The following DENND1A variants were observed in gnomAD, a reference collection of about 807,000 sequenced individuals.
The protein encoded by DENND1A is DENN domain-containing protein 1A.
DENND1A carries 51 observed loss-of-function variants against 113.7 expected under a neutral mutation model. The observed-to-expected ratio is 0.45, with a 90% confidence interval of 0.36 to 0.57. The LOEUF is 0.57. DENND1A is among the 20% of genes least tolerant of loss of function. The pLI is 0.00. For missense variants in DENND1A, 1,258 were observed against 1,395.9 expected, an observed-to-expected ratio of 0.90 and a Z score of 1.57; for synonymous variants, 565 against 570.8, an observed-to-expected ratio of 0.99 and a Z score of 0.14.
At chr9:123,521,670 G>T (rs775927746) in intron 13 of DENND1A, among the ~76,000 whole-genome samples, 1 of 152,174 alleles carries the variant, frequency 6.6e-6, no homozygotes, top group Non-Finnish European at 1.5e-5. Flanking sequence ...ACCAAAGGCT[G>T]GCCTCCTTCC....
At chr9:123,763,457 G>A (rs1285491788) in intron 4 of DENND1A, among the ~76,000 whole-genome samples, 1 of 152,142 alleles carries the variant, frequency 6.6e-6, no homozygotes, top group Non-Finnish European at 1.5e-5. Context: ...TTCCATTTGG[G>A]ATATGTTAAG....
intron 2 of DENND1A, among the ~76,000 whole-genome samples, chr9:123,802,651 C>T (rs896699811): frequency 6.6e-6 from 1 of 152,042 alleles, no homozygotes; most frequent in Non-Finnish European, 1.5e-5. Flanking sequence ...CTGTAGCACT[C>T]TTCCTTCTTC....
intron 13 of DENND1A, among the ~76,000 whole-genome samples, chr9:123,487,426 T>A (rs2050981184): frequency 6.6e-6 from 1 of 152,222 alleles, no homozygotes; most frequent in Non-Finnish European, 1.5e-5. Context: ...GTTTTCTCTC[T>A]TGTGTCTTTT....
intron 5 of DENND1A, among the ~76,000 whole-genome samples, chr9:123,717,454 A>T (rs1001150439): frequency 6.6e-6 from 1 of 152,238 alleles, no homozygotes; most frequent in Admixed American, 6.5e-5. Flanking sequence ...CAACTGTACA[A>T]GATTACACAG....
chr9:123,449,895 C>A (rs1328339287), intron 18 of DENND1A, among the ~76,000 whole-genome samples: 3 of 152,000 alleles, frequency 2.0e-5, no homozygotes, highest in Non-Finnish European at 2.9e-5. Flanking sequence ...GTTCAGTGTA[C>A]GCTGCTCAGG....
intron 13 of DENND1A, among the ~76,000 whole-genome samples, chr9:123,510,077 C>T (rs994690049): frequency 6.6e-6 from 1 of 152,220 alleles, no homozygotes; most frequent in Non-Finnish European, 1.5e-5. Flanking sequence ...GACTGCACTG[C>T]CCGCCATGGC....
chr9:123,472,955 C>T (rs2049568886), intron 13 of DENND1A, among the ~76,000 whole-genome samples: 1 of 152,210 alleles, frequency 6.6e-6, no homozygotes, highest in African/African-American at 2.4e-5. Flanking sequence ...GGGATGCTTC[C>T]TCCTTGCCCG....
chr9:123,558,792 C>T (rs574755918), intron 12 of DENND1A, among the ~76,000 whole-genome samples: 46 of 152,334 alleles, frequency 3.0e-4, no homozygotes, highest in Non-Finnish European at 5.3e-4. Context: ...TTTCACGCTG[C>T]GTTCCCCATA....
chr9:123,465,715 C>T (rs1314907708), intron 13 of DENND1A, among the ~76,000 whole-genome samples: 6 of 152,030 alleles, frequency 3.9e-5, no homozygotes, highest in Non-Finnish European at 4.4e-5. Flanking sequence ...ATAGAAGTGC[C>T]GAACTAAAAT....
intron 5 of DENND1A, among the ~76,000 whole-genome samples, chr9:123,752,216 A>C (rs1247530877): frequency 6.6e-6 from 1 of 152,112 alleles, no homozygotes. Flanking sequence ...TCAAATGGAG[A>C]TCTGGGGCTA....
chr9:123,591,279 A>C (rs1361029887), intron 11 of DENND1A, among the ~76,000 whole-genome samples: 1 of 152,206 alleles, frequency 6.6e-6, no homozygotes, highest in Non-Finnish European at 1.5e-5. Context: ...GGTGCGGGGG[A>C]GTGTCCTACC....
At chr9:123,766,761 GGAAGCACATTCTTTTGAAAA>G (rs1337896486) in intron 4 of DENND1A, among the ~76,000 whole-genome samples, 2 of 152,128 alleles carry the variant, frequency 1.3e-5, no homozygotes, top group Non-Finnish European at 2.9e-5. Context: ...TAATATATGA[GGAAGCACATTCTTTTGAAAA>G]GCTACTGGCT....
intron 13 of DENND1A, among the ~76,000 whole-genome samples, chr9:123,460,344 G>C (rs1007931903): frequency 1.3e-5 from 2 of 152,140 alleles, no homozygotes; most frequent in African/African-American, 4.8e-5. Flanking sequence ...CTTGGGACCA[G>C]AGCAGGGCAA....
At chr9:123,465,273 C>G (rs1171114930) in intron 13 of DENND1A, among the ~76,000 whole-genome samples, 1 of 147,976 alleles carries the variant, frequency 6.8e-6, no homozygotes, top group East Asian at 2.0e-4. Flanking sequence ...TACAGTGTGA[C>G]AGCTAGCACA....
chr9:123,387,984 G>C (rs1057168798), intron 21 of DENND1A, 126 bp from the exon 22 acceptor site: 169 of 1,005,278 alleles, frequency 1.7e-4, no homozygotes, highest in Non-Finnish European at 2.1e-4. Flanking sequence ...CCAGCCTGGG[G>C]TGGGGGCTCT....
intron 13 of DENND1A, among the ~76,000 whole-genome samples, chr9:123,496,450 G>T (rs2051923930): frequency 6.6e-6 from 1 of 152,174 alleles, no homozygotes; most frequent in South Asian, 2.1e-4. Context: ...TTATTTTTAA[G>T]ACAGACAGGT....
intron 3 of DENND1A, among the ~76,000 whole-genome samples, chr9:123,790,667 TA>T (rs1273633546): frequency 1.3e-5 from 2 of 152,202 alleles, no homozygotes; most frequent in Non-Finnish European, 2.9e-5. Context: ...ATCCATTAAC[TA>T]AAGCAAAGAG....
intron 11 of DENND1A, among the ~76,000 whole-genome samples, chr9:123,597,025 G>GA (rs1486275636): frequency 6.6e-6 from 1 of 152,184 alleles, no homozygotes; most frequent in East Asian, 1.9e-4. Flanking sequence ...GTTTCACTGG[G>GA]AGTGTGGGGG....
intron 1 of DENND1A, among the ~76,000 whole-genome samples, chr9:123,894,558 G>GT (rs1454499354): frequency 6.6e-6 from 1 of 152,194 alleles, no homozygotes; most frequent in Non-Finnish European, 1.5e-5. Flanking sequence ...CTGAGCTAAG[G>GT]TTGTGGTCCT....
Sources: gnomAD v4.1 joint callset for allele counts (sites outside exome capture counted in the v4.1 genomes callset) on GRCh38, gnomAD v4.1.1 for gene constraint, MANE v1.5 for transcripts, NCBI Gene and HGNC (gene_info 2026-07-23, HGNC 2026-07-21) for gene names.